The following PCDHGA8 variants were observed in gnomAD, a reference collection of about 807,000 sequenced individuals.
The protein encoded by PCDHGA8 is protocadherin gamma subfamily A, 8, also known as protocadherin gamma-A8.
In PCDHGA8, 45 loss-of-function variants were observed where a neutral mutation model predicts 59.2. That is an observed-to-expected ratio of 0.76 (90% CI 0.60 to 0.98). The LOEUF (loss-of-function observed/expected upper bound fraction) is 0.98. PCDHGA8 is among the 50% of genes least tolerant of loss of function. PCDHGA8 has a pLI of 0.00. For synonymous variants in PCDHGA8, 531 were observed against 519.0 expected (o/e 1.02, Z -0.32); for missense variants, 1,257 against 1,196.2 (o/e 1.05, Z -0.75).
At chr5:141,400,799 G>C (rs2094077749) in intron 1 of PCDHGA8, 1 of 553,376 alleles carries the variant, frequency 1.8e-6, no homozygotes, top group Non-Finnish European at 3.2e-6. Flanking sequence ...CTTTCTCAAA[G>C]CTAATGAATT....
At chr5:141,438,883 C>T (rs1026043786) in intron 1 of PCDHGA8, among the ~76,000 whole-genome samples, 4 of 151,728 alleles carry the variant, frequency 2.6e-5, no homozygotes, top group Non-Finnish European at 5.9e-5. Context: ...CCAGGCTGCT[C>T]TTGAACTCCT....
At position 141,477,539 on chromosome 5, in the gene PCDHGA8, C is replaced by G; in HGVS notation, c.2425-17268C>G. 2 of 1,614,172 alleles carry G rather than the reference C, an allele frequency of 1.2e-6. No individual in the cohort carries two copies. The highest frequency in any genetic ancestry group is 1.7e-6 in the Non-Finnish European group (2 of 1,180,030). On this transcript the variant is annotated intron_variant, in intron 1 of 3. Transcript: ENST00000398604. The surrounding 1 kb of genome is among the most constrained non-coding windows in gnomAD (Gnocchi z 4.9). ...TGAAGAAAACAACCTCCCCGGGGCT[C>G]CAATACTAAACCTAAGTGTCTGGGA...
Position 141,431,605 on chromosome 5 carries a change from G to A in PCDHGA8, c.2424+36368G>A. ...ATGCGGAAGTGAGGTATTCCTTCCGGTATGTGGACGACAAGGCGGCCCAAG... is the reference window on the plus strand; with the variant it reads ...ATGCGGAAGTGAGGTATTCCTTCCGATATGTGGACGACAAGGCGGCCCAAG... On this transcript the variant is annotated intron_variant, in intron 1 of 3. Transcript: ENST00000398604. This position sits in a 1 kb window ranked among gnomAD's most constrained non-coding sequence, Gnocchi z 4.8. 2 of 1,614,236 alleles carry A rather than the reference G, an allele frequency of 1.2e-6. No individual in the cohort carries two copies. The highest frequency in any genetic ancestry group is 1.7e-6 in the Non-Finnish European group (2 of 1,180,044).
chr5:141,465,257 T>C (rs968727090), intron 1 of PCDHGA8, among the ~76,000 whole-genome samples: 19 of 152,310 alleles, frequency 1.2e-4, no homozygotes, highest in Admixed American at 1.2e-3. Flanking sequence ...TTGTAAGCAA[T>C]GATACTAGCC....
intron 1 of PCDHGA8, chr5:141,428,221 G>T (rs1314522513): frequency 1.0e-5 from 12 of 1,177,166 alleles, no homozygotes; most frequent in East Asian, 4.9e-5. Context: ...CCTAGTCTTC[G>T]CAGACAGCCT....
At chr5:141,404,593 A>C in intron 1 of PCDHGA8, 1 of 1,614,080 alleles carries the variant, frequency 6.2e-7, no homozygotes, top group Non-Finnish European at 8.5e-7. Flanking sequence ...GCAATGTGTC[A>C]TTGAGACTGT....
chr5:141,472,556 T>A (rs2099287889), intron 1 of PCDHGA8, among the ~76,000 whole-genome samples: 1 of 151,628 alleles, frequency 6.6e-6, no homozygotes, highest in South Asian at 2.1e-4. Flanking sequence ...AAAAAAATTA[T>A]ATTATAAATG....
chr5:141,408,985 G>A, intron 1 of PCDHGA8: 1 of 1,613,966 alleles, frequency 6.2e-7, no homozygotes, highest in South Asian at 1.1e-5. Context: ...GGTCCCCTGT[G>A]TTGCAAGTGA....
intron 1 of PCDHGA8, among the ~76,000 whole-genome samples, chr5:141,446,430 T>A (rs1468987045): frequency 6.6e-6 from 1 of 152,058 alleles, no homozygotes; most frequent in Non-Finnish European, 1.5e-5. Flanking sequence ...ATTTGAAGGA[T>A]CTGAGAAACA....
intron 1 of PCDHGA8, chr5:141,416,921 G>C (rs985660835): frequency 6.6e-6 from 1 of 151,994 alleles, no homozygotes; most frequent in Non-Finnish European, 1.5e-5. Flanking sequence ...TAGGGTCATA[G>C]TTATTAACTA....
At chr5:141,395,815 A>T (rs1243382510) in intron 1 of PCDHGA8, 1 of 152,044 alleles carries the variant, frequency 6.6e-6, no homozygotes, top group Non-Finnish European at 1.5e-5. Context: ...AAACATGAAC[A>T]AACTTTAAAG....
chr5:141,398,842 C>T (rs2093712910), intron 1 of PCDHGA8: 2 of 1,613,974 alleles, frequency 1.2e-6, no homozygotes, highest in Non-Finnish European at 1.7e-6. Flanking sequence ...CAATGATAAT[C>T]CCCCGGTATT....
chr5:141,486,090 G>T lies in PCDHGA8; in HGVS notation c.2425-8717G>T, dbSNP rs190955361. 2.5e-6 allele frequency: 4 copies of T among 1,614,086 alleles called. No individual in the cohort carries two copies. In the East Asian group the frequency reaches 8.9e-5, roughly 36 times the overall value. On this transcript the variant is annotated intron_variant, in intron 1 of 3. Transcript: ENST00000398604. This position sits in a 1 kb window ranked among gnomAD's most constrained non-coding sequence, Gnocchi z 5.0. Reference sequence around the variant, plus strand: ...ACTACTGGAAAGCTTACTCTTTTGGGGCCCCTAGACTTTGAGAGTGAGAAT... The same window carrying T: ...ACTACTGGAAAGCTTACTCTTTTGGTGCCCCTAGACTTTGAGAGTGAGAAT...
In PCDHGA8 at chr5:141,490,794, C is replaced by G. The variant is rs763933771; in HGVS notation, c.2425-4013C>G. The G allele has an allele frequency of 5.0e-6, 8 of 1,613,976 alleles. No individual in the cohort carries two copies. In the South Asian group the frequency reaches 7.7e-5, roughly 16 times the overall value. ...ACCCAGAGGATGGACGGATCTTTGCCCAGCGTACCTTTGACTATGAATTGC... is the reference window on the plus strand; with the variant it reads ...ACCCAGAGGATGGACGGATCTTTGCGCAGCGTACCTTTGACTATGAATTGC... On this transcript the variant is annotated intron_variant, in intron 1 of 3. Transcript: ENST00000398604. The surrounding 1 kb of genome is among the most constrained non-coding windows in gnomAD (Gnocchi z 5.4).
In PCDHGA8 at chr5:141,490,889, T is replaced by G. The variant is rs568838001; in HGVS notation, c.2425-3918T>G. The G allele has an allele frequency of 6.2e-7, 1 of 1,613,406 alleles. No homozygotes were observed. Among genetic ancestry groups the G allele is most frequent in the Non-Finnish European group, 8.5e-7 (1 of 1,179,428 alleles). ...CCCCCATTGCATGCCAACACATCTCTGCATGTGTTTGTCCTAGACGAGAAT... is the reference window on the plus strand; with the variant it reads ...CCCCCATTGCATGCCAACACATCTCGGCATGTGTTTGTCCTAGACGAGAAT... On this transcript the variant is annotated intron_variant, in intron 1 of 3. Coordinates refer to ENST00000398604, the MANE Select transcript of PCDHGA8 (RefSeq NM_032088.2). This position sits in a 1 kb window ranked among gnomAD's most constrained non-coding sequence, Gnocchi z 5.4.
intron 1 of PCDHGA8, chr5:141,404,997 C>A (rs2154535986): frequency 6.2e-7 from 1 of 1,614,034 alleles, no homozygotes; most frequent in East Asian, 2.2e-5. Context: ...CAGATCCCTG[C>A]AGACCTGGAG....
rs762121534 is a variant in PCDHGA8, at chr5:141,403,984, A to G, written c.2424+8747A>G. 1.7e-5 allele frequency: 27 copies of G among 1,613,774 alleles called. No homozygotes were observed. The South Asian group carries it at 2.7e-4, about 16-fold the overall frequency. On this transcript the variant is annotated intron_variant, in intron 1 of 3. Coordinates refer to ENST00000398604, the MANE Select transcript of PCDHGA8 (RefSeq NM_032088.2). Reference sequence around the variant, plus strand: ...CGGTGGAAGATGTAAATGACAATAGACCTGAAGTGACCATTACATCTCTGT... The same window carrying G: ...CGGTGGAAGATGTAAATGACAATAGGCCTGAAGTGACCATTACATCTCTGT...
chr5:141,508,451 C>T (rs1245251907), intron 3 of PCDHGA8, among the ~76,000 whole-genome samples: 1 of 152,180 alleles, frequency 6.6e-6, no homozygotes, highest in Admixed American at 6.5e-5. Flanking sequence ...AGTGGCAGAG[C>T]AGAGCAAATA....
At chr5:141,422,171 T>C (rs1204753893) in intron 1 of PCDHGA8, 4 of 1,564,922 alleles carry the variant, frequency 2.6e-6, no homozygotes, top group Non-Finnish European at 3.4e-6. Context: ...AAATATAGAT[T>C]CTATGAGATG....
Sources: gnomAD v4.1 joint callset for allele counts (sites outside exome capture counted in the v4.1 genomes callset) on GRCh38, gnomAD v4.1.1 for gene constraint, Gnocchi (gnomAD v3.1) non-coding constraint, MANE v1.5 for transcripts, NCBI Gene and HGNC (gene_info 2026-07-23, HGNC 2026-07-21) for gene names.